Variants in PREX1 observed in about 807,000 individuals in gnomAD.
PREX1 encodes the protein phosphatidylinositol-3,4,5-trisphosphate dependent Rac exchange factor 1, also known as phosphatidylinositol 3,4,5-trisphosphate-dependent Rac exchanger 1 protein.
A neutral mutation model predicts 198.3 loss-of-function variants in PREX1; 41 were observed. That is an observed-to-expected ratio of 0.21 (90% confidence interval 0.16 to 0.27). The LOEUF is 0.27. Among genes scored for constraint, PREX1 ranks in the 10% least tolerant of loss-of-function variants. The probability of loss-of-function intolerance (pLI) is 1.00; values close to 1 mark genes in which losing one functional copy is unlikely to be tolerated. For synonymous variants in PREX1, 843 were observed against 887.2 expected (o/e 0.95, Z 0.89); for missense variants, 1,620 against 2,200.7 (o/e 0.74, Z 5.28).
intron 8 of PREX1, 56 bp downstream of exon 8, chr20:48,692,616 G>T (rs1388288516): frequency 7.3e-7 from 1 of 1,369,558 alleles, no homozygotes; most frequent in Non-Finnish European, 1.0e-6. Flanking sequence ...CAGAGAGAGT[G>T]CCAGGGAGCA....
At chr20:48,726,903 G>T (rs1293815873) in intron 4 of PREX1, among the ~76,000 whole-genome samples, 1 of 152,162 alleles carries the variant, frequency 6.6e-6, no homozygotes, top group Non-Finnish European at 1.5e-5. Flanking sequence ...TTATACAATG[G>T]TAGCTAGCTA....
intron 5 of PREX1, among the ~76,000 whole-genome samples, chr20:48,713,573 A>G (rs1165105339): frequency 6.6e-6 from 1 of 152,130 alleles, no homozygotes; most frequent in African/African-American, 2.4e-5. Context: ...CATCTTTACC[A>G]AAAAATTTTA....
At chr20:48,817,582 AGAGAT>A (rs144881691) in intron 1 of PREX1, among the ~76,000 whole-genome samples, 15,251 of 152,176 alleles carry the variant, frequency 0.1, 959 homozygotes, top group Middle Eastern at 0.21. Flanking sequence ...GCTGAGGCGC[AGAGAT>A]AAGATTCAGA....
At chr20:48,662,754 T>C (rs1201309248) in intron 15 of PREX1, among the ~76,000 whole-genome samples, 1 of 152,154 alleles carries the variant, frequency 6.6e-6, no homozygotes, top group Non-Finnish European at 1.5e-5. Flanking sequence ...ATTGGCCCTT[T>C]CCTATTTTAG....
intron 1 of PREX1, among the ~76,000 whole-genome samples, chr20:48,774,596 GT>G (rs777377800): frequency 1.3e-5 from 2 of 152,216 alleles, no homozygotes; most frequent in Non-Finnish European, 2.9e-5. Context: ...ATTCTGCCAT[GT>G]TTTCAGGGTG....
At chr20:48,786,608 G>A (rs1483863922) in intron 1 of PREX1, among the ~76,000 whole-genome samples, 2 of 152,034 alleles carry the variant, frequency 1.3e-5, no homozygotes, top group African/African-American at 4.8e-5. Flanking sequence ...GCTAGGTGTG[G>A]TGGTGCACAC....
At position 48,629,528 on chromosome 20, in the gene PREX1, C is replaced by T. The variant is rs147602754; in HGVS notation, c.4687G>A (p.Gly1563Ser). The T allele has an allele frequency of 6.2e-6, 10 of 1,613,968 alleles. No homozygotes were observed. The highest frequency in any genetic ancestry group is 3.3e-5 in the South Asian group (3 of 91,088). ...KPGAAGSVGA[G>S]LIPISSELCY... ...AGCTCCGAGGAGATGGGGATGAGGC[C>T]GGCGCCCACACTCCCAGCAGCACCA... Residue 1563 changes from glycine (G) to serine (S), a missense_variant, in exon 37 of 40, where the codon GGC (glycine) becomes AGC (serine). By Grantham distance (56) the Gly-to-Ser change is moderately conservative. Coordinates refer to ENST00000371941, the MANE Select transcript of PREX1 (RefSeq NM_020820.4).
intron 1 of PREX1, among the ~76,000 whole-genome samples, chr20:48,814,162 CCA>C (rs2090449211): frequency 6.6e-6 from 1 of 152,240 alleles, no homozygotes; most frequent in South Asian, 2.1e-4. Flanking sequence ...AAGGCCTCTG[CCA>C]CAGAGTGGGC....
intron 6 of PREX1, among the ~76,000 whole-genome samples, chr20:48,704,513 G>GCCTT (rs1276288862): frequency 2.1e-5 from 3 of 141,778 alleles, no homozygotes; most frequent in Non-Finnish European, 4.7e-5. Flanking sequence ...AAAATGGAGT[G>GCCTT]CCTTCCTTCC....
At chr20:48,655,694 C>T (rs1209982954) in intron 18 of PREX1, among the ~76,000 whole-genome samples, 1 of 152,168 alleles carries the variant, frequency 6.6e-6, no homozygotes, top group Non-Finnish European at 1.5e-5. Flanking sequence ...GAGGTGAGAC[C>T]AGCACTCCAA....
At chr20:48,856,107 G>A in the PREX1 span, among the ~76,000 whole-genome samples, 1 of 152,182 alleles carries the variant, frequency 6.6e-6, no homozygotes, top group Non-Finnish European at 1.5e-5. Flanking sequence ...TATTCCAGGT[G>A]GAGACAGGGA....
chr20:48,636,414 G>T (rs191118518), intron 32 of PREX1, 49 bp downstream of exon 32: 1 of 1,534,316 alleles, frequency 6.5e-7, no homozygotes, highest in East Asian at 2.3e-5. Context: ...GCCTGGGCGG[G>T]CACCAGTGGG....
chr20:48,756,496 A>T (rs1027743609), intron 1 of PREX1, among the ~76,000 whole-genome samples: 2 of 151,570 alleles, frequency 1.3e-5, no homozygotes, highest in African/African-American at 2.4e-5. Flanking sequence ...AGTCAGACTT[A>T]CTACTCCTTT....
chr20:48,642,303 A>G, intron 28 of PREX1, 45 bp from the exon 29 acceptor site: 1 of 1,607,500 alleles, frequency 6.2e-7, no homozygotes. Flanking sequence ...CCGTGGCCCT[A>G]CACACTGCAG....
In PREX1 at chr20:48,771,282, G is replaced by A. The variant is rs113811917; in HGVS notation, c.220-23402C>T. Among the ~76,000 whole-genome samples, 1,009 of 150,792 alleles carry A rather than the reference G, an allele frequency of 6.7e-3. 13 individuals are homozygous for A. The highest frequency in any genetic ancestry group is 0.046 in the East Asian group (235 of 5,136). On this transcript the variant is annotated intron_variant, in intron 1 of 39. Transcript: ENST00000371941. ...CTTTAGGTTGTTGCCGATTTTGAGC[G>A]CTCACAGTGGTGTTTCAATGAGTAA... is the stretch of plus-strand genomic sequence containing the variant.
the PREX1 span, among the ~76,000 whole-genome samples, chr20:48,879,397 G>A: frequency 6.6e-6 from 1 of 150,988 alleles, no homozygotes; most frequent in Admixed American, 6.6e-5. Flanking sequence ...TTTAAATACT[G>A]AAATACATTC....
At chr20:48,646,145 G>C (rs2089449496) in intron 25 of PREX1, 88 bp from the exon 26 acceptor site, 1 of 1,323,922 alleles carries the variant, frequency 7.6e-7, no homozygotes, top group East Asian at 2.3e-5. Context: ...CTGCAGGTGT[G>C]AGCACTGGCC....
At chr20:48,681,137 G>T in intron 11 of PREX1, 98 bp downstream of exon 11, 1 of 1,059,624 alleles carries the variant, frequency 9.4e-7, no homozygotes, top group South Asian at 1.4e-5. Flanking sequence ...GCGGCTGCAC[G>T]AAAGGATAGG....
intron 25 of PREX1, 96 bp from the exon 26 acceptor site, chr20:48,646,153 G>A (rs1457473415): frequency 4.8e-6 from 6 of 1,252,746 alleles, no homozygotes; most frequent in Non-Finnish European, 6.8e-6. Context: ...GTGAGCACTG[G>A]CCCTCCTGTT....
Sources: gnomAD v4.1 joint callset for allele counts (sites outside exome capture counted in the v4.1 genomes callset) on GRCh38, gnomAD v4.1.1 for gene constraint, MANE v1.5 for transcripts, NCBI Gene and HGNC (gene_info 2026-07-23, HGNC 2026-07-21) for gene names.